Variants in GABRB1 observed in about 807,000 individuals in gnomAD.
GABRB1 encodes gamma-aminobutyric acid receptor subunit beta-1.
GABRB1 carries 17 observed loss-of-function variants against 51.6 expected under a neutral mutation model. That is an observed-to-expected ratio of 0.33 (90% confidence interval 0.23 to 0.49). The LOEUF (loss-of-function observed/expected upper bound fraction) is 0.49, where lower values mean the gene tolerates loss of function less well. Ranked by LOEUF, GABRB1 falls within the 20% of genes least tolerant of loss-of-function variation. The pLI, the probability that GABRB1 is intolerant of heterozygous loss-of-function variation, is 0.99. For synonymous variants in GABRB1, 247 were observed against 218.9 expected (o/e 1.13, Z -1.14); for missense variants, 410 against 600.6 (o/e 0.68, Z 3.32).
At chr4:47,234,541 C>T (rs1367974676) in intron 4 of GABRB1, among the ~76,000 whole-genome samples, 1 of 151,872 alleles carries the variant, frequency 6.6e-6, no homozygotes, top group African/African-American at 2.4e-5. Flanking sequence ...AAAATAAATG[C>T]TGTATTCCTT....
chr4:47,311,859 TTA>T (rs1724700342), intron 4 of GABRB1, among the ~76,000 whole-genome samples: 1 of 152,106 alleles, frequency 6.6e-6, no homozygotes, highest in Non-Finnish European at 1.5e-5. Context: ...CCGCAATCCA[TTA>T]TTTGTGGGAG....
intron 1 of GABRB1, among the ~76,000 whole-genome samples, chr4:47,020,623 C>T (rs1724902700): frequency 6.6e-6 from 1 of 152,098 alleles, no homozygotes; most frequent in Non-Finnish European, 1.5e-5. Context: ...ACATCTATAT[C>T]CTCTCTCAGG....
intron 3 of GABRB1, among the ~76,000 whole-genome samples, chr4:47,059,594 A>C (rs1428227243): frequency 6.6e-6 from 1 of 152,194 alleles, no homozygotes; most frequent in African/African-American, 2.4e-5. Flanking sequence ...GTAGTTGTAA[A>C]GATATTTTCT....
At chr4:47,239,802 G>A (rs1721459425) in intron 4 of GABRB1, among the ~76,000 whole-genome samples, 1 of 152,266 alleles carries the variant, frequency 6.6e-6, no homozygotes. Flanking sequence ...GGATGCAGTC[G>A]TGGGCTGGCA....
chr4:47,284,364 C>A (rs1245903247), intron 4 of GABRB1, among the ~76,000 whole-genome samples: 2 of 152,072 alleles, frequency 1.3e-5, no homozygotes, highest in Non-Finnish European at 2.9e-5. Context: ...AGGAATAAAC[C>A]AAGAAAAGCT....
chr4:47,387,823 C>T (rs2110035922), intron 5 of GABRB1, among the ~76,000 whole-genome samples: 1 of 152,274 alleles, frequency 6.6e-6, no homozygotes, highest in Middle Eastern at 3.4e-3. Context: ...ACATGCAGTT[C>T]AACCTGGCAG....
intron 4 of GABRB1, among the ~76,000 whole-genome samples, chr4:47,222,760 G>A (rs987112870): frequency 1.3e-5 from 2 of 152,010 alleles, no homozygotes; most frequent in Non-Finnish European, 2.9e-5. Context: ...ACTACACATT[G>A]GAGTAATTTG....
chr4:47,339,857 C>CACACACA (rs1725822946), intron 5 of GABRB1, among the ~76,000 whole-genome samples: 1 of 120,828 alleles, frequency 8.3e-6, no homozygotes, highest in Non-Finnish European at 1.9e-5. Context: ...ACACACACAC[C>CACACACA]CCACTTTGGG....
In GABRB1 at chr4:47,075,250, C is replaced by T. The variant is rs538853544; in HGVS notation, c.240+42766C>T. On this transcript the variant is annotated intron_variant, in intron 3 of 8. Coordinates refer to ENST00000295454, the MANE Select transcript of GABRB1 (RefSeq NM_000812.4). ...AACAAAAGTAGCACATGGACAATGC[C>T]ATAGGTACCAGCTGAACCAGCTTTT... 4.6e-5 allele frequency among the ~76,000 whole-genome samples: 7 copies of T among 152,156 alleles called. No individual in the cohort carries two copies. The South Asian group carries it at 1.5e-3, about 32-fold the overall frequency.
At chr4:47,197,903 AATTT>A (rs1470443157) in intron 4 of GABRB1, among the ~76,000 whole-genome samples, 4 of 152,186 alleles carry the variant, frequency 2.6e-5, no homozygotes, top group Middle Eastern at 3.2e-3. Context: ...CAAGCCTTTT[AATTT>A]ATTAAAGCAT....
intron 5 of GABRB1, among the ~76,000 whole-genome samples, chr4:47,400,526 GTCTCTC>G (rs56896606): frequency 7.6e-5 from 9 of 117,872 alleles, no homozygotes; most frequent in Non-Finnish European, 1.6e-4. Context: ...CCAGGAGGTA[GTCTCTC>G]TCTCTCTCTC....
chr4:47,101,464 A>G (rs1714717970), intron 3 of GABRB1, among the ~76,000 whole-genome samples: 1 of 152,174 alleles, frequency 6.6e-6, no homozygotes, highest in Middle Eastern at 3.4e-3. Context: ...CAGAATATGT[A>G]CAACATCCAA....
chr4:47,417,454 C>A (rs547587712), intron 8 of GABRB1, among the ~76,000 whole-genome samples: 1 of 151,922 alleles, frequency 6.6e-6, no homozygotes, highest in East Asian at 1.9e-4. Flanking sequence ...ATCTCCTCCC[C>A]CCGAGAAAAG....
chr4:47,075,670 C>T (rs1325191342), intron 3 of GABRB1, among the ~76,000 whole-genome samples: 1 of 152,096 alleles, frequency 6.6e-6, no homozygotes, highest in African/African-American at 2.4e-5. Flanking sequence ...GGTTTTTGTT[C>T]TTCACAGAAA....
chr4:47,015,501 G>A (rs975919598), intron 1 of GABRB1, among the ~76,000 whole-genome samples: 2 of 151,692 alleles, frequency 1.3e-5, no homozygotes, highest in African/African-American at 4.8e-5. Flanking sequence ...TTTTTCAACA[G>A]TGACTCTTCC....
chr4:46,995,780 C>T (rs543060576), intron 1 of GABRB1, among the ~76,000 whole-genome samples: 11 of 152,246 alleles, frequency 7.2e-5, no homozygotes, highest in African/African-American at 2.6e-4. Context: ...AAAATAATGG[C>T]TTTGGGGAAA....
intron 4 of GABRB1, among the ~76,000 whole-genome samples, chr4:47,284,545 T>C (rs985625455): frequency 5.3e-5 from 8 of 152,246 alleles, no homozygotes; most frequent in African/African-American, 1.9e-4. Context: ...AGGAAAACTT[T>C]TTCTTTTCTC....
chr4:47,397,948 A>G (rs1728235288), intron 5 of GABRB1, among the ~76,000 whole-genome samples: 1 of 152,162 alleles, frequency 6.6e-6, no homozygotes, highest in African/African-American at 2.4e-5. Context: ...AGTTCCCAGA[A>G]CAAAAATCCT....
At chr4:47,051,895 G>A (rs578246890) in intron 3 of GABRB1, among the ~76,000 whole-genome samples, 2 of 152,240 alleles carry the variant, frequency 1.3e-5, no homozygotes, top group South Asian at 2.1e-4. Context: ...TTGGGAGGCC[G>A]AGGTGGGCAG....
Sources: gnomAD v4.1 joint callset for allele counts (sites outside exome capture counted in the v4.1 genomes callset) on GRCh38, gnomAD v4.1.1 for gene constraint, MANE v1.5 for transcripts, NCBI Gene and HGNC (gene_info 2026-07-23, HGNC 2026-07-21) for gene names.